The following NCKAP5 variants were observed in gnomAD, a reference collection of about 807,000 sequenced individuals.
The protein encoded by NCKAP5 is nck-associated protein 5.
A neutral mutation model predicts 167.0 loss-of-function variants in NCKAP5; 92 were observed. That is an observed-to-expected ratio of 0.55 (90% CI 0.47 to 0.66). The LOEUF is 0.66. Ranked by LOEUF, NCKAP5 falls within the 30% of genes least tolerant of loss-of-function variation. The pLI, the probability that NCKAP5 is intolerant of heterozygous loss-of-function variation, is 0.00. For missense variants in NCKAP5, 2,378 were observed against 2,315.0 expected, an observed-to-expected ratio of 1.03 and a Z score of -0.56; for synonymous variants, 891 against 877.4, an observed-to-expected ratio of 1.02 and a Z score of -0.27.
At chr2:133,520,588 C>A (rs1044556929) in intron 2 of NCKAP5, among the ~76,000 whole-genome samples, 1 of 151,934 alleles carries the variant, frequency 6.6e-6, no homozygotes, top group Non-Finnish European at 1.5e-5. Flanking sequence ...TCCCTTCTGG[C>A]AAATATGATT....
intron 19 of NCKAP5, among the ~76,000 whole-genome samples, chr2:132,721,408 C>T (rs533366164): frequency 7.2e-5 from 11 of 152,216 alleles, no homozygotes; most frequent in African/African-American, 1.7e-4. Flanking sequence ...TAAGGCTTCA[C>T]GATCTATTGG....
At chr2:133,109,050 T>C (rs902066675) in intron 6 of NCKAP5, among the ~76,000 whole-genome samples, 1 of 152,178 alleles carries the variant, frequency 6.6e-6, no homozygotes, top group African/African-American at 2.4e-5. Context: ...GGACTAACCA[T>C]TCCCTCTCGG....
intron 5 of NCKAP5, among the ~76,000 whole-genome samples, chr2:133,168,312 T>A (rs995663709): frequency 6.6e-6 from 1 of 151,310 alleles, no homozygotes; most frequent in Non-Finnish European, 1.5e-5. Context: ...ACCACAGATG[T>A]TGCCTGAATC....
chr2:133,000,224 C>T lies in NCKAP5; in HGVS notation c.342-5985G>A, dbSNP rs377501192. Among the ~76,000 whole-genome samples the T allele has an allele frequency of 6.2e-4, 95 of 152,248 alleles. 3 individuals are homozygous for T. The South Asian group carries it at 0.015, about 24-fold the overall frequency. ...TTCATTGTATTTGACTCCCAAACTT[C>T]TCACTTTGAGAAATTGTGTCGATTT... On this transcript the variant is annotated intron_variant, in intron 6 of 19. Coordinates refer to ENST00000409261, the MANE Select transcript of NCKAP5 (RefSeq NM_207363.3).
intron 3 of NCKAP5, among the ~76,000 whole-genome samples, chr2:133,439,512 G>T (rs1265188809): frequency 6.6e-6 from 1 of 152,184 alleles, no homozygotes; most frequent in African/African-American, 2.4e-5. Context: ...CCTTGAGCAG[G>T]CTGGGCCATT....
At chr2:133,016,172 C>T (rs553174385) in intron 6 of NCKAP5, among the ~76,000 whole-genome samples, 31 of 152,222 alleles carry the variant, frequency 2.0e-4, no homozygotes, top group African/African-American at 7.2e-4. Flanking sequence ...CCCCATGCTC[C>T]GCAGTAAAAC....
intron 5 of NCKAP5, among the ~76,000 whole-genome samples, chr2:133,189,970 G>C (rs6735932): frequency 0.51 from 76,840 of 151,958 alleles, 20,149 homozygotes; most frequent in East Asian, 0.73. Context: ...ATTAGGAAAA[G>C]AGGAAGTCAA....
chr2:133,113,086 G>A (rs1008318202), intron 6 of NCKAP5, among the ~76,000 whole-genome samples: 2 of 152,120 alleles, frequency 1.3e-5, no homozygotes, highest in African/African-American at 2.4e-5. Context: ...CAAAACAGTC[G>A]CTCCGGCCAC....
chr2:132,810,156 G>A (rs916531720), intron 11 of NCKAP5, among the ~76,000 whole-genome samples: 19 of 152,224 alleles, frequency 1.2e-4, no homozygotes, highest in African/African-American at 3.4e-4. Flanking sequence ...GAAATCTGCT[G>A]TTAATCTTAT....
intron 5 of NCKAP5, among the ~76,000 whole-genome samples, chr2:133,132,516 C>CACACACACAAAA (rs374197642): frequency 2.0e-5 from 3 of 146,406 alleles, no homozygotes; most frequent in African/African-American, 5.2e-5. Flanking sequence ...CACACACACA[C>CACACACACAAAA]AAACCCTGAT....
chr2:132,836,674 G>A (rs1475108973), intron 11 of NCKAP5, among the ~76,000 whole-genome samples: 1 of 151,962 alleles, frequency 6.6e-6, no homozygotes, highest in East Asian at 1.9e-4. Flanking sequence ...CATATATATT[G>A]TCTTTTATTC....
intron 3 of NCKAP5, among the ~76,000 whole-genome samples, chr2:133,463,856 G>C (rs1033199684): frequency 2.6e-5 from 4 of 152,318 alleles, no homozygotes; most frequent in Non-Finnish European, 5.9e-5. Flanking sequence ...TTGTAAGGCA[G>C]GGTTTCAATC....
chr2:132,854,255 C>T (rs1689292718), intron 11 of NCKAP5, among the ~76,000 whole-genome samples: 1 of 152,154 alleles, frequency 6.6e-6, no homozygotes. Context: ...AGTCATGATG[C>T]ATGGACTGGT....
At chr2:133,510,257 G>A (rs1358270612) in intron 3 of NCKAP5, among the ~76,000 whole-genome samples, 1 of 152,100 alleles carries the variant, frequency 6.6e-6, no homozygotes, top group Non-Finnish European at 1.5e-5. Flanking sequence ...TGCTGGAGGT[G>A]CCCCATCGCT....
In NCKAP5 at chr2:132,853,026, T is replaced by C. The variant is rs549563589; in HGVS notation, c.807+7466A>G. 1.4e-3 allele frequency among the ~76,000 whole-genome samples: 212 copies of C among 152,290 alleles called. 1 individual carries two copies. Among genetic ancestry groups the C allele is most frequent in the African/African-American group, 4.8e-3 (200 of 41,560 alleles). On this transcript the variant is annotated intron_variant, in intron 11 of 19. Transcript: ENST00000409261. Reference sequence around the variant, plus strand: ...AGTGCTCAATGAATTTTTGTTGAAATAATGAATAAAGCAATATATTCTGGC... The same window carrying C: ...AGTGCTCAATGAATTTTTGTTGAAACAATGAATAAAGCAATATATTCTGGC...
intron 3 of NCKAP5, among the ~76,000 whole-genome samples, chr2:133,514,562 T>A (rs1683820356): frequency 6.6e-6 from 1 of 152,236 alleles, no homozygotes; most frequent in Admixed American, 6.5e-5. Context: ...AAAAGTGTAA[T>A]GAAGTTAATA....
intron 1 of NCKAP5, among the ~76,000 whole-genome samples, chr2:133,560,838 T>G (rs577993757): frequency 6.4e-4 from 98 of 152,274 alleles, no homozygotes; most frequent in Middle Eastern, 3.4e-3. Flanking sequence ...CTCACTGAAA[T>G]GTAGGCAGCA....
At chr2:133,612,465 A>T in the NCKAP5 span, among the ~76,000 whole-genome samples, 11 of 152,216 alleles carry the variant, frequency 7.2e-5, no homozygotes, top group South Asian at 4.1e-4. Context: ...ACTTTAAAGC[A>T]TGGTACTTCA....
intron 7 of NCKAP5, among the ~76,000 whole-genome samples, chr2:132,974,150 T>C (rs1374549772): frequency 6.6e-6 from 1 of 152,206 alleles, no homozygotes; most frequent in Non-Finnish European, 1.5e-5. Context: ...TACTTAGTTT[T>C]TTAACTTGAT....
Sources: gnomAD v4.1 joint callset for allele counts (sites outside exome capture counted in the v4.1 genomes callset) on GRCh38, gnomAD v4.1.1 for gene constraint, MANE v1.5 for transcripts, NCBI Gene and HGNC (gene_info 2026-07-23, HGNC 2026-07-21) for gene names.